Variants in STOX2 observed in about 807,000 individuals in gnomAD.
STOX2 encodes the protein storkhead-box protein 2.
A neutral mutation model predicts 60.9 loss-of-function variants in STOX2; 28 were observed. The ratio of observed to expected loss-of-function variants is 0.46; its 90% CI spans 0.34 to 0.63. STOX2 has a LOEUF of 0.63. Among genes scored for constraint, STOX2 ranks in the 30% least tolerant of loss-of-function variants. The pLI is 0.01. For missense variants in STOX2, 1,024 were observed against 1,187.7 expected (o/e 0.86, Z 2.03); for synonymous variants, 472 against 463.9 (o/e 1.02, Z -0.22).
rs1042648345 is a variant in STOX2, at chr4:183,865,723, C to T, written c.364+67668C>T. Among the ~76,000 whole-genome samples the T allele has an allele frequency of 2.0e-5, 3 of 151,814 alleles. No homozygotes were observed. The highest frequency in any genetic ancestry group is 1.5e-5 in the Non-Finnish European group (1 of 67,988). ...AGTTTGGATGGGGAAGAGGAGGTGA[C>T]GGAGGTTGCAAGGAGGGGAACGAAA... On this transcript the variant is annotated intron_variant, in intron 1 of 2. Transcript: ENST00000513034. The surrounding 1 kb of genome is among the most constrained non-coding windows in gnomAD (Gnocchi z 4.1).
chr4:184,010,260 A>G lies in STOX2; in HGVS notation c.1422A>G (p.Thr474=), dbSNP rs1734084508. ...HSKVHRSHSH[T]QDRRSRNERS... ...AAGTGCACCGAAGCCACAGCCATAC[A>G]CAGGACCGGAGGTCCAGGAATGAGA... is the stretch of plus-strand genomic sequence containing the variant. Residue 474 remains threonine, a synonymous_variant, in exon 3 of 4, where the codon ACA becomes ACG. Coordinates refer to ENST00000308497, the MANE Select transcript of STOX2 (RefSeq NM_020225.3). This position sits in a 1 kb window ranked among gnomAD's most constrained non-coding sequence, Gnocchi z 4.5. The G allele has an allele frequency of 6.4e-7, 1 of 1,571,826 alleles. No individual in the cohort carries two copies. Among genetic ancestry groups the G allele is most frequent in the Admixed American group, 1.9e-5 (1 of 53,200 alleles).
chr4:183,953,514 T>A (rs906972253), intron 1 of STOX2, among the ~76,000 whole-genome samples: 7 of 152,184 alleles, frequency 4.6e-5, no homozygotes, highest in African/African-American at 1.7e-4. Context: ...GCACTTAACT[T>A]GCTTGAGCAT....
At chr4:183,944,907 G>A (rs748410705) in intron 1 of STOX2, among the ~76,000 whole-genome samples, 3 of 152,012 alleles carry the variant, frequency 2.0e-5, no homozygotes, top group Non-Finnish European at 4.4e-5. Flanking sequence ...CATGTCTAGG[G>A]CACATCAGCA....
chr4:183,928,090 G>A (rs1259679884), intron 1 of STOX2, among the ~76,000 whole-genome samples: 1 of 152,186 alleles, frequency 6.6e-6, no homozygotes, highest in Non-Finnish European at 1.5e-5. Context: ...TTATTTCAGT[G>A]GTTCCATTTT....
chr4:183,988,076 A>T, intron 1 of STOX2: 1 of 145,096 alleles, frequency 6.9e-6, no homozygotes, highest in South Asian at 2.2e-4. Flanking sequence ...CTTGGAGAGG[A>T]GAGTGTGCCC....
intron 1 of STOX2, among the ~76,000 whole-genome samples, chr4:183,838,217 ATACT>A (rs1278660997): frequency 4.7e-5 from 7 of 150,504 alleles, no homozygotes; most frequent in Non-Finnish European, 8.9e-5. Flanking sequence ...ATATATTGAA[ATACT>A]TAAATAATTC....
Position 183,965,165 on chromosome 4 carries a change from C to T in STOX2, c.167-36160C>T, listed in dbSNP as rs527753080. 5.3e-5 allele frequency among the ~76,000 whole-genome samples: 8 copies of T among 152,202 alleles called. No homozygotes were observed. The South Asian group carries it at 8.3e-4, about 16-fold the overall frequency. ...TAGCCACTCATGGCACCAGCATGTC[C>T]GTTTTCTTGGTGACAAGGCATGTGG... is the stretch of plus-strand genomic sequence containing the variant. On this transcript the variant is annotated intron_variant, in intron 1 of 3. Coordinates refer to ENST00000308497, the MANE Select transcript of STOX2 (RefSeq NM_020225.3).
At chr4:183,933,430 C>G (rs1175214782) in intron 1 of STOX2, among the ~76,000 whole-genome samples, 1 of 152,006 alleles carries the variant, frequency 6.6e-6, no homozygotes, top group Non-Finnish European at 1.5e-5. Context: ...CTCTTGTCGC[C>G]CTGGCTAGAG....
chr4:183,852,397 G>C (rs35600549), intron 1 of STOX2, among the ~76,000 whole-genome samples: 1 of 83,874 alleles, frequency 1.2e-5, no homozygotes, highest in Non-Finnish European at 2.4e-5. Flanking sequence ...ATGAGAGAAA[G>C]GATGAGGGAA....
chr4:183,919,226 ATGTT>A lies in STOX2; in HGVS notation c.166+12277_166+12280del, dbSNP rs770580870. On this transcript the variant is annotated intron_variant, in intron 1 of 3. Coordinates refer to ENST00000308497, the MANE Select transcript of STOX2 (RefSeq NM_020225.3). ...TTAAACACATGGAGAGTTACACAGA[ATGTT>A]TGTTTGGGATGCCAGAGGCGTAGTG... is the stretch of plus-strand genomic sequence containing the variant. Among the ~76,000 whole-genome samples, 8 of 152,252 alleles carry A rather than the reference ATGTT, an allele frequency of 5.3e-5. No individual in the cohort carries two copies. In the East Asian group the frequency reaches 5.8e-4, roughly 11 times the overall value.
intron 1 of STOX2, among the ~76,000 whole-genome samples, chr4:183,803,817 G>A (rs184294972): frequency 2.6e-5 from 4 of 152,050 alleles, no homozygotes; most frequent in African/African-American, 9.7e-5. Context: ...ACAAAAATTA[G>A]CCAGGTGTGG....
chr4:183,868,033 A>G (rs1438831310), intron 1 of STOX2, among the ~76,000 whole-genome samples: 2 of 152,006 alleles, frequency 1.3e-5, no homozygotes, highest in African/African-American at 4.8e-5. Context: ...CCTCTCGAAC[A>G]TTAGAGTGTG....
chr4:183,891,235 C>A (rs530054452), intron 1 of STOX2, among the ~76,000 whole-genome samples: 1 of 150,536 alleles, frequency 6.6e-6, no homozygotes, highest in East Asian at 2.0e-4. Context: ...AGCCCAAATG[C>A]CCATTAATTA....
At chr4:183,879,045 T>C (rs1662962439) in intron 1 of STOX2, among the ~76,000 whole-genome samples, 1 of 152,266 alleles carries the variant, frequency 6.6e-6, no homozygotes, top group South Asian at 2.1e-4. Context: ...ATCAATTTCA[T>C]GTGCCCACAG....
At position 184,019,735 on chromosome 4, in the gene STOX2, A is replaced by G. The variant is rs1404083147; in HGVS notation, c.*2451A>G. The G allele has an allele frequency of 6.6e-6, 1 of 152,246 alleles. No homozygotes were observed. Among genetic ancestry groups the G allele is most frequent in the Non-Finnish European group, 1.5e-5 (1 of 68,048 alleles). 9.4% of individuals were successfully genotyped at this position (152,246 alleles called of 1,614,324 possible). A position where few individuals can be genotyped will look rare whatever the true frequency, so the allele number is the denominator to read the frequency against. ...AGAAATGATGGACTTTAAAGGTGAT[A>G]CCATGTAAGCAGATGTTGCATATAA... On this transcript the variant is annotated 3_prime_UTR_variant, in exon 4 of 4. Coordinates refer to ENST00000308497, the MANE Select transcript of STOX2 (RefSeq NM_020225.3).
chr4:183,920,759 T>C (rs1742077875), intron 1 of STOX2, among the ~76,000 whole-genome samples: 1 of 152,194 alleles, frequency 6.6e-6, no homozygotes, highest in Non-Finnish European at 1.5e-5. Flanking sequence ...CAAATGCCAT[T>C]GTAATGCCGT....
At chr4:183,826,352 C>T (rs1739431795) in intron 1 of STOX2, among the ~76,000 whole-genome samples, 1 of 152,156 alleles carries the variant, frequency 6.6e-6, no homozygotes. Flanking sequence ...ACCTGTTCCC[C>T]TGAGAATGGC....
At chr4:183,877,467 C>A (rs1480848163) in intron 1 of STOX2, among the ~76,000 whole-genome samples, 5 of 152,152 alleles carry the variant, frequency 3.3e-5, no homozygotes, top group African/African-American at 1.2e-4. Flanking sequence ...CCAAAAGAAT[C>A]AATGGATCAG....
At chr4:183,961,624 C>T (rs1743416672) in intron 1 of STOX2, among the ~76,000 whole-genome samples, 1 of 152,224 alleles carries the variant, frequency 6.6e-6, no homozygotes, top group South Asian at 2.1e-4. Context: ...TATTGTGTTA[C>T]ATGCGTATCT....
Sources: gnomAD v4.1 joint callset for allele counts (sites outside exome capture counted in the v4.1 genomes callset) on GRCh38, gnomAD v4.1.1 for gene constraint, Gnocchi (gnomAD v3.1) non-coding constraint, MANE v1.5 for transcripts, NCBI Gene and HGNC (gene_info 2026-07-23, HGNC 2026-07-21) for gene names.